Variants in GARNL3 observed in about 807,000 individuals in gnomAD.
GARNL3 encodes the protein GTPase-activating Rap/Ran-GAP domain-like protein 3.
GARNL3 carries 63 observed loss-of-function variants against 125.0 expected under a neutral mutation model. The observed-to-expected ratio is 0.50, with a 90% CI of 0.41 to 0.62. GARNL3 has a LOEUF of 0.62. Ranked by LOEUF, GARNL3 falls within the 20% of genes least tolerant of loss-of-function variation. The probability of loss-of-function intolerance (pLI) is 0.00; values close to 1 mark genes in which losing one functional copy is unlikely to be tolerated. For synonymous variants in GARNL3, 439 were observed against 457.5 expected, an observed-to-expected ratio of 0.96 and a Z score of 0.52; for missense variants, 994 against 1,244.0, an observed-to-expected ratio of 0.80 and a Z score of 3.02.
At chr9:127,389,274 A>G (rs1259794156) in intron 26 of GARNL3, among the ~76,000 whole-genome samples, 155 bp downstream of exon 26, 1 of 152,250 alleles carries the variant, frequency 6.6e-6, no homozygotes, top group Non-Finnish European at 1.5e-5. Context: ...ATACCAAGGA[A>G]TACACTATAA....
At chr9:127,304,588 T>C (rs907752735) in intron 2 of GARNL3, among the ~76,000 whole-genome samples, 9 of 132,064 alleles carry the variant, frequency 6.8e-5, no homozygotes, top group Non-Finnish European at 3.1e-5. Context: ...CAGGCTGGAG[T>C]GCAGTGGTGT....
At chr9:127,300,374 T>G in intron 2 of GARNL3, 1 of 309,848 alleles carries the variant, frequency 3.2e-6, no homozygotes, top group Non-Finnish European at 6.2e-6. Context: ...TTTGTTTTAT[T>G]TGACCCCTTT....
intron 11 of GARNL3, 43 bp from the exon 12 acceptor site, chr9:127,338,073 T>G: frequency 3.4e-6 from 5 of 1,452,800 alleles, no homozygotes; most frequent in Non-Finnish European, 4.8e-6. Context: ...CTGTCAGTCG[T>G]GAGCATCAGT....
chr9:127,303,374 A>G (rs981631047), intron 2 of GARNL3, among the ~76,000 whole-genome samples: 9 of 152,202 alleles, frequency 5.9e-5, no homozygotes, highest in African/African-American at 1.9e-4. Flanking sequence ...AAATGCATAA[A>G]AAGATCTGGG....
chr9:127,265,083 G>A, intron 1 of GARNL3, 62 bp downstream of exon 1: 1 of 1,425,866 alleles, frequency 7.0e-7, no homozygotes, highest in Non-Finnish European at 9.6e-7. Context: ...CGATTGCCAA[G>A]CTCATCAGAT....
chr9:127,355,229 A>G (rs1022635142), intron 19 of GARNL3, 68 bp from the exon 20 acceptor site: 12 of 1,388,430 alleles, frequency 8.6e-6, no homozygotes, highest in Non-Finnish European at 1.2e-5. Flanking sequence ...GTATTGCCAA[A>G]TTGTCAAGGT....
chr9:127,254,883 T>A (rs762795062), intron 2 of GARNL3, among the ~76,000 whole-genome samples: 59 of 151,278 alleles, frequency 3.9e-4, no homozygotes, highest in Non-Finnish European at 7.7e-4. Context: ...AAAAGGCCAA[T>A]AAGGAAAGAA....
At chr9:127,326,279 G>A (rs1038685078) in intron 7 of GARNL3, among the ~76,000 whole-genome samples, 31 of 152,260 alleles carry the variant, frequency 2.0e-4, no homozygotes, top group African/African-American at 7.5e-4. Flanking sequence ...CCATGAGAGC[G>A]GAGACTATAA....
intron 2 of GARNL3, among the ~76,000 whole-genome samples, chr9:127,256,017 C>T (rs951653591): frequency 2.0e-5 from 3 of 152,124 alleles, no homozygotes; most frequent in Non-Finnish European, 4.4e-5. Flanking sequence ...AGGGATTTCC[C>T]CAAAGAAGTA....
chr9:127,298,366 A>G (rs1224350189), intron 2 of GARNL3, among the ~76,000 whole-genome samples: 1 of 152,022 alleles, frequency 6.6e-6, no homozygotes, highest in Non-Finnish European at 1.5e-5. Context: ...TTTAGTAGAG[A>G]CGGGGTTTCA....
chr9:127,330,607 G>T (rs1829169644), intron 7 of GARNL3, among the ~76,000 whole-genome samples: 1 of 152,208 alleles, frequency 6.6e-6, no homozygotes. Flanking sequence ...AGATACGCAA[G>T]TTCAATAAAA....
At chr9:127,319,356 C>T (rs2065330827) in intron 5 of GARNL3, among the ~76,000 whole-genome samples, 1 of 152,064 alleles carries the variant, frequency 6.6e-6, no homozygotes, top group Admixed American at 6.5e-5. Flanking sequence ...GTGGCACACA[C>T]CTGTAGTCTC....
At chr9:127,292,080 C>T (rs975251636) in intron 2 of GARNL3, among the ~76,000 whole-genome samples, 9 of 151,958 alleles carry the variant, frequency 5.9e-5, no homozygotes, top group South Asian at 2.1e-4. Flanking sequence ...GCCACATTGC[C>T]GGTTTTCTCC....
At chr9:127,329,509 A>C (rs1479502023) in intron 7 of GARNL3, among the ~76,000 whole-genome samples, 1 of 152,150 alleles carries the variant, frequency 6.6e-6, no homozygotes, top group African/African-American at 2.4e-5. Context: ...AGACTTGACA[A>C]GACCTTGCAA....
chr9:127,268,680 C>T (rs1436987136), intron 1 of GARNL3, among the ~76,000 whole-genome samples: 2 of 152,112 alleles, frequency 1.3e-5, no homozygotes, highest in African/African-American at 2.4e-5. Flanking sequence ...GAATGTTTTC[C>T]GTCATCCCAA....
intron 1 of GARNL3, among the ~76,000 whole-genome samples, chr9:127,276,856 G>GTGCT (rs2063970114): frequency 6.6e-6 from 1 of 152,206 alleles, no homozygotes; most frequent in South Asian, 2.1e-4. Context: ...AGCCTTTTGA[G>GTGCT]TGCTTTGTAT....
chr9:127,245,089 CCGGGG>C (rs2063273454), intron 2 of GARNL3, among the ~76,000 whole-genome samples: 1 of 152,158 alleles, frequency 6.6e-6, no homozygotes, highest in Admixed American at 6.5e-5. Flanking sequence ...GAATTTGTGT[CCGGGG>C]CGGGGGGTTG....
chr9:127,290,575 G>A (rs1202839701), intron 1 of GARNL3, among the ~76,000 whole-genome samples: 2 of 152,210 alleles, frequency 1.3e-5, no homozygotes, highest in Non-Finnish European at 2.9e-5. Flanking sequence ...TTGGACTCAA[G>A]TGCCAAGCCC....
chr9:127,346,957 AAGGGAGTCC>A (rs1377082198), intron 16 of GARNL3, among the ~76,000 whole-genome samples: 1 of 152,222 alleles, frequency 6.6e-6, no homozygotes, highest in Non-Finnish European at 1.5e-5. Context: ...TCCCCCATGG[AAGGGAGTCC>A]AGGGCAATGG....
Sources: allele counts gnomAD v4.1 joint callset (sites outside exome capture counted in the v4.1 genomes callset), GRCh38; gene constraint gnomAD v4.1.1; transcripts MANE v1.5; gene names NCBI Gene and HGNC (gene_info 2026-07-23, HGNC 2026-07-21).